DGKG: variants seen among roughly 807,000 people sequenced by gnomAD.
DGKG encodes the protein DAG kinase gamma.
DGKG carries 78 observed loss-of-function variants against 105.3 expected under a neutral mutation model. The observed-to-expected ratio is 0.74, with a 90% confidence interval of 0.62 to 0.89. The LOEUF (loss-of-function observed/expected upper bound fraction) is 0.89. Among genes scored for constraint, DGKG ranks in the 40% least tolerant of loss-of-function variants. The pLI is 0.00. For missense variants in DGKG, 958 were observed against 1,020.1 expected (o/e 0.94, Z 0.83); for synonymous variants, 346 against 367.1 (o/e 0.94, Z 0.66).
chr3:186,257,501 C>A (rs73885817), intron 17 of DGKG, among the ~76,000 whole-genome samples: 283 of 152,272 alleles, frequency 1.9e-3, no homozygotes, highest in African/African-American at 6.5e-3. Flanking sequence ...ATGCTTAGTT[C>A]TCTGGCCTTT....
chr3:186,244,415 T>C (rs1720839706), intron 19 of DGKG, among the ~76,000 whole-genome samples: 1 of 151,576 alleles, frequency 6.6e-6, no homozygotes, highest in African/African-American at 2.4e-5. Context: ...ATGTTTTTTT[T>C]TTTTTTTGAG....
intron 2 of DGKG, among the ~76,000 whole-genome samples, chr3:186,318,908 T>C (rs1193078115): frequency 6.6e-6 from 1 of 152,216 alleles, no homozygotes; most frequent in Non-Finnish European, 1.5e-5. Flanking sequence ...TTTCCACGCT[T>C]AGTTTATCCA....
intron 20 of DGKG, among the ~76,000 whole-genome samples, chr3:186,212,750 C>G (rs186467934): frequency 1.3e-4 from 20 of 152,334 alleles, no homozygotes; most frequent in Admixed American, 1.1e-3. Flanking sequence ...ATTCCTTCCA[C>G]CCCAACTGTC....
At chr3:186,274,105 T>A (rs1722462478) in intron 10 of DGKG, among the ~76,000 whole-genome samples, 1 of 152,240 alleles carries the variant, frequency 6.6e-6, no homozygotes, top group Admixed American at 6.5e-5. Context: ...CCACTCTGAC[T>A]TTACTAAAGG....
intron 22 of DGKG, among the ~76,000 whole-genome samples, chr3:186,166,835 C>T (rs1560077921): frequency 6.6e-6 from 1 of 152,148 alleles, no homozygotes; most frequent in Non-Finnish European, 1.5e-5. Context: ...GTCTTGGAAA[C>T]TGTTGTTCTT....
chr3:186,267,876 TC>T, intron 12 of DGKG, 99 bp from the exon 13 acceptor site: 1 of 1,029,632 alleles, frequency 9.7e-7, no homozygotes, highest in Non-Finnish European at 1.5e-6. Context: ...TGTCTAGTGC[TC>T]CCCCAAATCC....
chr3:186,152,053 T>G (rs1578593100), intron 24 of DGKG, among the ~76,000 whole-genome samples: 1 of 152,102 alleles, frequency 6.6e-6, no homozygotes, highest in East Asian at 1.9e-4. Context: ...CACTCCAGCC[T>G]GTGCGACAGA....
intron 1 of DGKG, among the ~76,000 whole-genome samples, chr3:186,328,366 C>T (rs1178210046): frequency 1.3e-5 from 2 of 152,050 alleles, no homozygotes; most frequent in Non-Finnish European, 2.9e-5. Flanking sequence ...CAGATATGTC[C>T]AGAGATTTAT....
At chr3:186,302,460 C>CTA (rs58937810) in intron 3 of DGKG, among the ~76,000 whole-genome samples, 143 of 48,708 alleles carry the variant, frequency 2.9e-3, no homozygotes, top group East Asian at 5.2e-3. Flanking sequence ...GGGAAATGTG[C>CTA]TATATATATA....
chr3:186,344,555 C>T (rs1726239874), intron 1 of DGKG, among the ~76,000 whole-genome samples: 1 of 152,014 alleles, frequency 6.6e-6, no homozygotes, highest in Non-Finnish European at 1.5e-5. Flanking sequence ...AACTTATGAA[C>T]ACAAAGAAGG....
At chr3:186,275,523 G>T (rs761464908) in intron 10 of DGKG, 24 bp downstream of exon 10, 3 of 1,589,072 alleles carry the variant, frequency 1.9e-6, no homozygotes, top group South Asian at 2.2e-5. Context: ...CCTGGGGGAA[G>T]AGGTTTGAAG....
chr3:186,216,145 T>C (rs1414710260), intron 20 of DGKG, among the ~76,000 whole-genome samples: 4 of 151,994 alleles, frequency 2.6e-5, no homozygotes, highest in African/African-American at 9.7e-5. Flanking sequence ...ATTACAGGCA[T>C]GCGCCACCAC....
At chr3:186,192,310 A>C (rs1717947600) in intron 21 of DGKG, among the ~76,000 whole-genome samples, 1 of 152,144 alleles carries the variant, frequency 6.6e-6, no homozygotes, top group Non-Finnish European at 1.5e-5. Flanking sequence ...GGCCTGGCCC[A>C]CATTTTCTTT....
chr3:186,293,929 G>C (rs992885006), intron 5 of DGKG, among the ~76,000 whole-genome samples: 13 of 94,110 alleles, frequency 1.4e-4, no homozygotes, highest in African/African-American at 5.0e-4. Context: ...ACCAGGAAAA[G>C]GTTTTTTTCC....
At chr3:186,273,737 G>A (rs982432389) in intron 10 of DGKG, among the ~76,000 whole-genome samples, 1 of 152,124 alleles carries the variant, frequency 6.6e-6, no homozygotes, top group African/African-American at 2.4e-5. Flanking sequence ...GCTCTGCCAA[G>A]GCGACTTCTG....
intron 23 of DGKG, among the ~76,000 whole-genome samples, chr3:186,163,453 C>T (rs996270768): frequency 2.6e-5 from 4 of 152,110 alleles, no homozygotes; most frequent in Non-Finnish European, 5.9e-5. Flanking sequence ...CACCCATTGA[C>T]ATAGAAGCCC....
chr3:186,353,656 G>GTCTATGTCTATA (rs373192000), intron 1 of DGKG, among the ~76,000 whole-genome samples: 83 of 116,154 alleles, frequency 7.1e-4, no homozygotes, highest in Non-Finnish European at 1.0e-3. Context: ...CTATGTCTAT[G>GTCTATGTCTATA]TCTATATCTA....
Position 186,284,805 on chromosome 3 carries a change from C to CAGTGGTGACAGAA in DGKG, c.545-97_545-96insTTCTGTCACCACT. The CAGTGGTGACAGAA allele has an allele frequency of 2.0e-6, 2 of 994,996 alleles. No homozygotes were observed. Among genetic ancestry groups the CAGTGGTGACAGAA allele is most frequent in the Non-Finnish European group, 3.2e-6 (2 of 628,920 alleles). 61.6% of individuals were successfully genotyped at this position (994,996 alleles called of 1,614,324 possible). A position where few individuals can be genotyped will look rare whatever the true frequency, so the allele number is the denominator to read the frequency against. ...CCAGGTTTTTAGATTAGTTCTGTCA[C>CAGTGGTGACAGAA]CACTGTGACGAAGGTTATGGCAGCC... is the stretch of plus-strand genomic sequence containing the variant. On this transcript the variant is annotated intron_variant, in intron 6 of 24. Coordinates refer to ENST00000265022, the MANE Select transcript of DGKG (RefSeq NM_001346.3). This position sits in a 1 kb window ranked among gnomAD's most constrained non-coding sequence, Gnocchi z 4.0.
At chr3:186,221,659 T>G (rs1466770447) in intron 20 of DGKG, among the ~76,000 whole-genome samples, 1 of 152,120 alleles carries the variant, frequency 6.6e-6, no homozygotes, top group East Asian at 1.9e-4. Context: ...CTGAAGGCGG[T>G]GGGGACAGTG....
Sources: allele counts gnomAD v4.1 joint callset (sites outside exome capture counted in the v4.1 genomes callset), GRCh38; gene constraint gnomAD v4.1.1; non-coding constraint Gnocchi (gnomAD v3.1); transcripts MANE v1.5; gene names NCBI Gene and HGNC (gene_info 2026-07-23, HGNC 2026-07-21).